ELK3: variants seen among roughly 807,000 people sequenced by gnomAD.
ELK3 encodes the protein ETS domain-containing protein Elk-3.
In ELK3, 10 loss-of-function variants were observed where a neutral mutation model predicts 28.9. The observed-to-expected ratio is 0.35, with a 90% CI of 0.21 to 0.59. The LOEUF (loss-of-function observed/expected upper bound fraction) is 0.59. Among genes scored for constraint, ELK3 ranks in the 20% least tolerant of loss-of-function variants. The pLI is 0.82. For synonymous variants in ELK3, 272 were observed against 243.5 expected (o/e 1.12, Z -1.09); for missense variants, 463 against 517.3 (o/e 0.90, Z 1.02).
In ELK3 at chr12:96,247,121, G is replaced by A. The variant is rs1200077719; in HGVS notation, c.389G>A (p.Arg130Lys). ...EAHKHGLAAL[R>K]STSRNEYIHS... ...CACAAACACGGCCTGGCCGCCCTCAGAAGCACGAGCCGCAACGAATACATC... is the reference window on the plus strand; with the variant it reads ...CACAAACACGGCCTGGCCGCCCTCAAAAGCACGAGCCGCAACGAATACATC... Residue 130 changes from arginine to lysine, a missense_variant, in exon 3 of 5, where the codon AGA (arginine) becomes AAA (lysine). Transcript: ENST00000228741. This position sits in a 1 kb window ranked among gnomAD's most constrained non-coding sequence, Gnocchi z 5.5. 1.2e-6 allele frequency: 2 copies of A among 1,613,216 alleles called. No individual in the cohort carries two copies. Among genetic ancestry groups the A allele is most frequent in the Admixed American group, 3.3e-5 (2 of 59,872 alleles).
intron 3 of ELK3, among the ~76,000 whole-genome samples, chr12:96,250,916 GAAGT>G (rs1951900408): frequency 6.6e-6 from 1 of 152,150 alleles, no homozygotes; most frequent in Non-Finnish European, 1.5e-5. Flanking sequence ...AAGAAGGGGA[GAAGT>G]AAGGGAGCCT....
At chr12:96,199,480 C>CTGTGTGTGTGTGTG (rs10678770) in intron 1 of ELK3, among the ~76,000 whole-genome samples, 12 of 146,384 alleles carry the variant, frequency 8.2e-5, no homozygotes, top group Non-Finnish European at 1.5e-5. Context: ...ATAAAATTAG[C>CTGTGTGTGTGTGTG]TGTGTGTGTG....
intron 1 of ELK3, among the ~76,000 whole-genome samples, chr12:96,203,548 T>C (rs1951519961): frequency 6.6e-6 from 1 of 152,228 alleles, no homozygotes; most frequent in African/African-American, 2.4e-5. Context: ...CCACCTTGTT[T>C]TGCCCTTGGA....
chr12:96,253,906 T>A (rs76585690), intron 3 of ELK3, among the ~76,000 whole-genome samples: 2,932 of 152,348 alleles, frequency 0.019, 47 homozygotes, highest in Non-Finnish European at 0.03. Flanking sequence ...CCTGTTCTCA[T>A]GAGTTTACAG....
In ELK3 at chr12:96,247,507, C is replaced by T. The variant is rs1055721508; in HGVS notation, c.775C>T (p.Leu259Phe). 2 of 1,613,966 alleles carry T rather than the reference C, an allele frequency of 1.2e-6. No individual in the cohort carries two copies. Among genetic ancestry groups the T allele is most frequent in the Non-Finnish European group, 1.7e-6 (2 of 1,180,032 alleles). The stretch of plus-strand genomic sequence containing the variant: ...ACCCCTCCCTTCTGAACACAGAAGC[C>T]TCTTCCTGGAGGCCGCCTGCCATGA... ...NSPLPSEHRS[L>F]FLEAACHDSD... The change falls in exon 3 of 5, where the codon CTC becomes TTC. Residue 259 changes from leucine to phenylalanine, a missense_variant. This residue lies in a region of ELK3 where 408 missense variants were observed against 414.8 expected (regional missense o/e 0.98). Coordinates refer to ENST00000228741, the MANE Select transcript of ELK3 (RefSeq NM_005230.4). This position sits in a 1 kb window ranked among gnomAD's most constrained non-coding sequence, Gnocchi z 5.5.
chr12:96,266,077 CA>C (rs1952027528), intron 4 of ELK3, among the ~76,000 whole-genome samples: 1 of 152,114 alleles, frequency 6.6e-6, no homozygotes. Flanking sequence ...AAAATGGGGA[CA>C]ACAAAACTTA....
intron 1 of ELK3, chr12:96,213,900 GT>G: frequency 1.1e-5 from 1 of 87,474 alleles, no homozygotes; most frequent in Middle Eastern, 5.1e-3. Context: ...TAACTTTTGT[GT>G]TTTTTGTGGG....
intron 1 of ELK3, among the ~76,000 whole-genome samples, chr12:96,207,547 A>G (rs1290138411): frequency 2.0e-5 from 3 of 152,262 alleles, no homozygotes. Flanking sequence ...TTCCTAAACC[A>G]TGAAAGAGTT....
rs1242838600 is a variant in ELK3 at position 96,267,241 on chromosome 12, A to G, written c.*61A>G. The G allele has an allele frequency of 1.4e-6, 2 of 1,441,428 alleles. No individual in the cohort carries two copies. Among genetic ancestry groups the G allele is most frequent in the African/African-American group, 2.8e-5 (2 of 71,030 alleles). The allele number at this position is 1,441,428 out of a possible 1,614,324, so 89.3% of individuals were successfully genotyped here. A position where few individuals can be genotyped will look rare whatever the true frequency, so the allele number is the denominator to read the frequency against. ...TGAAACAAATTTGTCCCCACGGGCT[A>G]GTTTACCTGTGTCGTGAGAAGGACA... is the stretch of plus-strand genomic sequence containing the variant. On this transcript the variant is annotated 3_prime_UTR_variant, in exon 5 of 5. Transcript: ENST00000228741.
chr12:96,233,874 G>C (rs1329511653), intron 2 of ELK3, among the ~76,000 whole-genome samples: 1 of 152,210 alleles, frequency 6.6e-6, no homozygotes, highest in East Asian at 1.9e-4. Flanking sequence ...CTGGGTGTGA[G>C]TGTTGAGGGC....
At chr12:96,230,370 C>T (rs1224540131) in intron 2 of ELK3, among the ~76,000 whole-genome samples, 5 of 152,178 alleles carry the variant, frequency 3.3e-5, no homozygotes, top group African/African-American at 1.2e-4. Context: ...GTATTTCAGA[C>T]ACTGCTGGGC....
chr12:96,228,435 A>G (rs1221638552), intron 2 of ELK3, among the ~76,000 whole-genome samples: 1 of 139,808 alleles, frequency 7.2e-6, no homozygotes, highest in African/African-American at 2.6e-5. Flanking sequence ...AAAAAAAAAA[A>G]AAAAAAAAAG....
chr12:96,224,379 G>A (rs12307056), intron 2 of ELK3, among the ~76,000 whole-genome samples: 12,639 of 149,184 alleles, frequency 0.085, 597 homozygotes, highest in African/African-American at 0.15. Flanking sequence ...GAGCCATTAC[G>A]TGTAAGTACT....
At chr12:96,228,982 T>C (rs1480357620) in intron 2 of ELK3, among the ~76,000 whole-genome samples, 1 of 152,248 alleles carries the variant, frequency 6.6e-6, no homozygotes, top group African/African-American at 2.4e-5. Flanking sequence ...TTATGTGTAT[T>C]TATAAAACTG....
chr12:96,262,017 CT>C (rs57348208), intron 4 of ELK3, among the ~76,000 whole-genome samples: 81,400 of 115,668 alleles, frequency 0.7, 27,544 homozygotes, highest in Non-Finnish European at 0.76. Flanking sequence ...CTGATAAAAA[CT>C]TTTTTTTTTT....
At chr12:96,194,959 G>T (rs984021384) in intron 1 of ELK3, among the ~76,000 whole-genome samples, 1 of 150,420 alleles carries the variant, frequency 6.6e-6, no homozygotes, top group African/African-American at 2.4e-5. Context: ...CCGGGGCTGC[G>T]GGGACCCTGC....
chr12:96,248,718 CCT>C (rs2137034467), intron 3 of ELK3, among the ~76,000 whole-genome samples: 1 of 152,236 alleles, frequency 6.6e-6, no homozygotes, highest in African/African-American at 2.4e-5. Context: ...CGTAGTTGTC[CCT>C]GTTGTCATTA....
intron 2 of ELK3, among the ~76,000 whole-genome samples, chr12:96,246,672 T>A (rs1219779865): frequency 6.6e-6 from 1 of 152,134 alleles, no homozygotes. Flanking sequence ...GAAATCATCA[T>A]CATCATCATC....
In ELK3 at chr12:96,227,037, C is replaced by T. The variant is rs984988800; in HGVS notation, c.207+3264C>T. ...ACTGTGTGCATTGCCCGTCTGTGAC[C>T]GTTTTCGACTCACAGAAATGGCAGT... is the stretch of plus-strand genomic sequence containing the variant. On this transcript the variant is annotated intron_variant, in intron 2 of 4. Transcript: ENST00000228741. Among the ~76,000 whole-genome samples, 8 of 152,288 alleles carry T rather than the reference C, an allele frequency of 5.3e-5. No homozygotes were observed. The South Asian group carries it at 6.2e-4, about 12-fold the overall frequency.
Sources: gnomAD v4.1 joint callset for allele counts (sites outside exome capture counted in the v4.1 genomes callset) on GRCh38, gnomAD v4.1.1 for gene constraint, gnomAD v4.1.1 regional missense constraint, Gnocchi (gnomAD v3.1) non-coding constraint, MANE v1.5 for transcripts, NCBI Gene and HGNC (gene_info 2026-07-23, HGNC 2026-07-21) for gene names.